Variants in UBE2D1 observed in about 807,000 individuals in gnomAD.
The protein encoded by UBE2D1 is ubiquitin-conjugating enzyme E2 D1.
In UBE2D1, 9 loss-of-function variants were observed where a neutral mutation model predicts 24.6. That is an observed-to-expected ratio of 0.37 (90% CI 0.22 to 0.64). The LOEUF (loss-of-function observed/expected upper bound fraction) is 0.64. Among genes scored for constraint, UBE2D1 ranks in the 30% least tolerant of loss-of-function variants. The pLI, the probability that UBE2D1 is intolerant of heterozygous loss-of-function variation, is 0.64. For synonymous variants in UBE2D1, 57 were observed against 57.6 expected, an observed-to-expected ratio of 0.99 and a Z score of 0.04; for missense variants, 87 against 177.1, an observed-to-expected ratio of 0.49 and a Z score of 2.89.
At chr10:58,343,666 C>G (rs1025256045) in intron 1 of UBE2D1, among the ~76,000 whole-genome samples, 1 of 152,036 alleles carries the variant, frequency 6.6e-6, no homozygotes, top group Admixed American at 6.5e-5. Flanking sequence ...TGATACAGAC[C>G]GTATGCATTG....
In UBE2D1 at chr10:58,369,773, A is replaced by G. The variant is rs547114974; in HGVS notation, c.*1008A>G. ...TATCTCTTTACTAAATTGTCAGTCT[A>G]TAAGATAATATATGTTGATCCCTTG... On this transcript the variant is annotated 3_prime_UTR_variant, in exon 7 of 7. Coordinates refer to ENST00000373910, the MANE Select transcript of UBE2D1 (RefSeq NM_003338.5). The G allele has an allele frequency of 1.5e-4, 23 of 152,050 alleles. No homozygotes were observed. Among genetic ancestry groups the G allele is most frequent in the Non-Finnish European group, 2.4e-4 (16 of 67,830 alleles). The allele number at this position is 152,050 out of a possible 1,614,324, so 9.4% of individuals were successfully genotyped here.
At chr10:58,360,908 T>G in intron 1 of UBE2D1, 1 of 445,224 alleles carries the variant, frequency 2.2e-6, no homozygotes, top group Non-Finnish European at 4.5e-6. Context: ...GGCGACAAAG[T>G]GAGATCCTGT....
chr10:58,339,980 A>C (rs553538991), intron 1 of UBE2D1, among the ~76,000 whole-genome samples: 5 of 152,142 alleles, frequency 3.3e-5, no homozygotes, highest in Admixed American at 1.3e-4. Context: ...ATATACTATA[A>C]AGCTTTCTGT....
rs142861159 is a variant in UBE2D1 at position 58,363,085 on chromosome 10, C to T, written c.121-524C>T. ...CATTATTTTATAAATAATTACTAAA[C>T]GAAGATTTGGCACATAAATTGTGTA... On this transcript the variant is annotated intron_variant, in intron 3 of 6. Transcript: ENST00000373910. Among the ~76,000 whole-genome samples, 8 of 151,986 alleles carry T rather than the reference C, an allele frequency of 5.3e-5. No individual in the cohort carries two copies. The East Asian group carries it at 7.7e-4, about 15-fold the overall frequency.
intron 1 of UBE2D1, among the ~76,000 whole-genome samples, chr10:58,342,822 G>GT (rs1564557817): frequency 4.1e-4 from 59 of 145,384 alleles, no homozygotes; most frequent in African/African-American, 1.3e-3. Flanking sequence ...TGTTTTTTTT[G>GT]GTTTTTTTTT....
At chr10:58,335,483 C>T (rs962984010) in intron 1 of UBE2D1, among the ~76,000 whole-genome samples, 1 of 152,254 alleles carries the variant, frequency 6.6e-6, no homozygotes, top group Non-Finnish European at 1.5e-5. Flanking sequence ...TCCCGGAGCC[C>T]CAGGGTAGAG....
At chr10:58,364,611 G>A in intron 4 of UBE2D1, 160 bp from the exon 5 acceptor site, 1 of 593,814 alleles carries the variant, frequency 1.7e-6, no homozygotes, top group Non-Finnish European at 3.0e-6. Context: ...AGAACTGTGT[G>A]TAGCACAAAG....
chr10:58,367,934 A>G lies in UBE2D1; in HGVS notation c.316A>G (p.Ile106Val), dbSNP rs1172904056. The G allele has an allele frequency of 3.7e-6, 6 of 1,607,208 alleles. No individual in the cohort carries two copies. Among genetic ancestry groups the G allele is most frequent in the South Asian group, 2.2e-5 (2 of 90,872 alleles). The change falls in exon 6 of 7, where the codon ATA becomes GTA. Residue 106 changes from isoleucine (I) to valine (V), a missense_variant. Transcript: ENST00000373910. ...TCTTTTAAATCTAGTTTTATTGTCC[A>G]TATGTTCTCTACTTTGTGATCCTAA... is the stretch of plus-strand genomic sequence containing the variant. Reference protein sequence around the residue: ...ALTVSKVLLSICSLLCDPNPD... With the variant: ...ALTVSKVLLSVCSLLCDPNPD...
At chr10:58,352,341 G>A (rs1840085529) in intron 1 of UBE2D1, among the ~76,000 whole-genome samples, 1 of 152,028 alleles carries the variant, frequency 6.6e-6, no homozygotes. Context: ...GAGCTCCCAG[G>A]GAGCAACACT....
intron 1 of UBE2D1, among the ~76,000 whole-genome samples, chr10:58,347,663 C>G (rs1427851774): frequency 1.5e-5 from 2 of 136,534 alleles, no homozygotes; most frequent in African/African-American, 3.1e-5. Flanking sequence ...TTTTTTTGCC[C>G]CGAGACGGAG....
chr10:58,359,484 T>C (rs141680586), intron 1 of UBE2D1, among the ~76,000 whole-genome samples: 8 of 152,334 alleles, frequency 5.3e-5, no homozygotes, highest in African/African-American at 1.9e-4. Flanking sequence ...TTCTATCCTT[T>C]TTTAAGGTCC....
intron 4 of UBE2D1, 189 bp from the exon 5 acceptor site, chr10:58,364,582 G>A: frequency 1.9e-6 from 1 of 514,230 alleles, no homozygotes; most frequent in Non-Finnish European, 3.4e-6. Flanking sequence ...ACTTGTTTGT[G>A]TTCACATTCT....
chr10:58,346,718 AT>A (rs1840021727), intron 1 of UBE2D1, among the ~76,000 whole-genome samples: 2 of 152,218 alleles, frequency 1.3e-5, no homozygotes, highest in African/African-American at 4.8e-5. Flanking sequence ...TTAAGGACTT[AT>A]AAGTCTTACA....
chr10:58,340,344 C>G (rs1441450767), intron 1 of UBE2D1, among the ~76,000 whole-genome samples: 2 of 152,252 alleles, frequency 1.3e-5, no homozygotes, highest in African/African-American at 4.8e-5. Context: ...CATTCAGGTT[C>G]TAGAAACCAG....
chr10:58,369,812 T>C lies in UBE2D1; in HGVS notation c.*1047T>C, dbSNP rs1840294933. The C allele has an allele frequency of 6.6e-6, 1 of 151,998 alleles. No individual in the cohort carries two copies. The highest frequency in any genetic ancestry group is 6.6e-5 in the Admixed American group (1 of 15,234). The allele number at this position is 151,998 out of a possible 1,614,324, so 9.4% of individuals were successfully genotyped here. A position where few individuals can be genotyped will look rare whatever the true frequency, so the allele number is the denominator to read the frequency against. ...GTTGATCCCTTGCTGTAGAGGAGAA[T>C]TTAGAGTAATTTGGGGTTTGTCTTG... On this transcript the variant is annotated 3_prime_UTR_variant, in exon 7 of 7. Transcript: ENST00000373910.
chr10:58,342,033 A>G (rs1349917749), intron 1 of UBE2D1, among the ~76,000 whole-genome samples: 1 of 152,178 alleles, frequency 6.6e-6, no homozygotes. Flanking sequence ...TTTCTGGCCC[A>G]TCTTGGTCTT....
intron 1 of UBE2D1, among the ~76,000 whole-genome samples, chr10:58,342,813 GT>G (rs1480339853): frequency 7.1e-6 from 1 of 140,072 alleles, no homozygotes; most frequent in African/African-American, 2.6e-5. Context: ...GTGGGTACTT[GT>G]TTTTTTTGGT....
intron 1 of UBE2D1, among the ~76,000 whole-genome samples, chr10:58,360,739 G>T (rs1430568569): frequency 6.6e-6 from 1 of 152,094 alleles, no homozygotes; most frequent in Non-Finnish European, 1.5e-5. Flanking sequence ...GTTCAACATG[G>T]CGAGACCCCA....
At chr10:58,351,323 C>T (rs1840074336) in intron 1 of UBE2D1, among the ~76,000 whole-genome samples, 1 of 152,146 alleles carries the variant, frequency 6.6e-6, no homozygotes. Flanking sequence ...TTGCTTAAAA[C>T]ACAAAACACA....
Sources: allele counts gnomAD v4.1 joint callset (sites outside exome capture counted in the v4.1 genomes callset), GRCh38; gene constraint gnomAD v4.1.1; transcripts MANE v1.5; gene names NCBI Gene and HGNC (gene_info 2026-07-23, HGNC 2026-07-21).